The following MBNL1 variants were observed in gnomAD, a reference collection of about 807,000 sequenced individuals.
MBNL1 encodes muscleblind-like protein 1.
MBNL1 carries 8 observed loss-of-function variants against 42.2 expected under a neutral mutation model. The ratio of observed to expected loss-of-function variants is 0.19; its 90% confidence interval spans 0.11 to 0.34. MBNL1 has a LOEUF of 0.34. Ranked by LOEUF, MBNL1 falls within the 10% of genes least tolerant of loss-of-function variation. MBNL1 has a pLI of 1.00. For synonymous variants in MBNL1, 169 were observed against 173.9 expected (o/e 0.97, Z 0.22); for missense variants, 309 against 495.3 (o/e 0.62, Z 3.57).
At chr3:152,427,799 T>A (rs992602288) in intron 3 of MBNL1, among the ~76,000 whole-genome samples, 6 of 150,884 alleles carry the variant, frequency 4.0e-5, no homozygotes, top group East Asian at 1.9e-4. Context: ...AAAAATTTTT[T>A]AAAATATTTT....
chr3:152,362,215 A>G (rs867803936), intron 2 of MBNL1, among the ~76,000 whole-genome samples: 24 of 152,312 alleles, frequency 1.6e-4, no homozygotes, highest in Admixed American at 5.2e-4. Context: ...ATTGACTTGC[A>G]GATTGCAGCA....
At chr3:152,268,686 G>A (rs1021670846), upstream of MBNL1, 7 of 441,668 alleles carry the variant, frequency 1.6e-5, no homozygotes, top group Middle Eastern at 3.4e-4. Context: ...CGGCGCCGCT[G>A]GGCGACCGCC....
At chr3:152,458,389 A>G (rs1379754288) in intron 8 of MBNL1, 3 of 568,060 alleles carry the variant, frequency 5.3e-6, no homozygotes, top group Non-Finnish European at 9.5e-6. Flanking sequence ...GCCTTTGTGT[A>G]TCTGATTTCA....
intron 3 of MBNL1, among the ~76,000 whole-genome samples, chr3:152,424,815 A>G (rs558911290): frequency 1.3e-5 from 2 of 152,364 alleles, no homozygotes; most frequent in East Asian, 1.9e-4. Flanking sequence ...GACAAAAGCA[A>G]TGGGGAAAGG....
At position 152,455,564 on chromosome 3, in the gene MBNL1, C is replaced by G. The variant is rs202021492; in HGVS notation, c.984C>G (p.Pro328=). 6.2e-7 allele frequency: 1 copy of G among 1,613,420 alleles called. No individual in the cohort carries two copies. Among genetic ancestry groups the G allele is most frequent in the African/African-American group, 1.3e-5 (1 of 74,904 alleles). Residue 328 remains proline, a synonymous_variant, in exon 7 of 10, where the codon CCC becomes CCG. Transcript: ENST00000324210. ...CAGGCTCAATATTGTGCATGACACCCGCTACAAGTGTTGGTAGGTGCCAGC... is the reference window on the plus strand; with the variant it reads ...CAGGCTCAATATTGTGCATGACACCGGCTACAAGTGTTGGTAGGTGCCAGC... ...LPPGSILCMT[P]ATSVVPMVHG...
chr3:152,313,888 A>G lies in MBNL1; in HGVS notation c.174+13521A>G, dbSNP rs1469496931. 2.6e-5 allele frequency among the ~76,000 whole-genome samples: 4 copies of G among 152,336 alleles called. No individual in the cohort carries two copies. The East Asian group carries it at 7.7e-4, about 29-fold the overall frequency. ...ATTAATGGAATAATTCAGAATTTAT[A>G]TTGTCTGTACCTGAAAATTCATTTT... On this transcript the variant is annotated intron_variant, in intron 2 of 9. Transcript: ENST00000324210.
At chr3:152,293,113 T>G (rs927759928) in intron 1 of MBNL1, among the ~76,000 whole-genome samples, 2 of 152,178 alleles carry the variant, frequency 1.3e-5, no homozygotes. Flanking sequence ...AGTTATAATA[T>G]TGATGTAATC....
At chr3:152,344,023 A>G (rs545915655) in intron 2 of MBNL1, among the ~76,000 whole-genome samples, 2 of 151,652 alleles carry the variant, frequency 1.3e-5, no homozygotes, top group South Asian at 4.2e-4. Flanking sequence ...ACTTACATGG[A>G]TGATGGGGGA....
intron 2 of MBNL1, among the ~76,000 whole-genome samples, chr3:152,341,647 A>C (rs968684802): frequency 2.0e-5 from 3 of 152,206 alleles, no homozygotes; most frequent in African/African-American, 7.2e-5. Context: ...GGCAATGAGG[A>C]GAATGTTTAT....
chr3:152,383,912 C>G (rs1349718669), intron 2 of MBNL1, among the ~76,000 whole-genome samples: 1 of 151,986 alleles, frequency 6.6e-6, no homozygotes, highest in African/African-American at 2.4e-5. Flanking sequence ...CTATATTGTA[C>G]TCATGGCACC....
chr3:152,337,653 C>T (rs1430367902), intron 2 of MBNL1, among the ~76,000 whole-genome samples: 2 of 151,538 alleles, frequency 1.3e-5, no homozygotes, highest in East Asian at 3.9e-4. Context: ...AAAAGAAACA[C>T]CAACTAACTA....
intron 3 of MBNL1, among the ~76,000 whole-genome samples, chr3:152,415,754 G>C (rs1459804299): frequency 6.6e-6 from 1 of 152,166 alleles, no homozygotes; most frequent in Non-Finnish European, 1.5e-5. Context: ...TAGATATTTA[G>C]TATTTGCTGA....
intron 2 of MBNL1, chr3:152,338,448 C>A: frequency 9.1e-6 from 9 of 985,382 alleles, no homozygotes; most frequent in Non-Finnish European, 1.1e-5. Flanking sequence ...TACCATGTTG[C>A]CCTCTACACT....
At chr3:152,367,073 A>G (rs1402550980) in intron 2 of MBNL1, among the ~76,000 whole-genome samples, 1 of 152,188 alleles carries the variant, frequency 6.6e-6, no homozygotes, top group Non-Finnish European at 1.5e-5. Context: ...GTTCTGGGAT[A>G]CATGTGCAGA....
At chr3:152,246,641 T>G (rs2033099147) in intron 2 of MBNL1, among the ~76,000 whole-genome samples, 1 of 152,078 alleles carries the variant, frequency 6.6e-6, no homozygotes, top group South Asian at 2.1e-4. Context: ...TATATTTTAC[T>G]GTGTTTTAGT....
intron 2 of MBNL1, among the ~76,000 whole-genome samples, chr3:152,247,790 TG>T (rs1358543101): frequency 6.6e-6 from 1 of 152,006 alleles, no homozygotes; most frequent in Non-Finnish European, 1.5e-5. Flanking sequence ...TTAATTTTTT[TG>T]CTTTTAATAT....
At chr3:152,453,644 G>A (rs1422129979) in intron 6 of MBNL1, among the ~76,000 whole-genome samples, 1 of 152,162 alleles carries the variant, frequency 6.6e-6, no homozygotes, top group African/African-American at 2.4e-5. Context: ...ATATTTGTGA[G>A]TTATTGCACC....
At chr3:152,386,020 A>G (rs894520373) in intron 2 of MBNL1, among the ~76,000 whole-genome samples, 1 of 152,074 alleles carries the variant, frequency 6.6e-6, no homozygotes, top group Non-Finnish European at 1.5e-5. Flanking sequence ...TTAGAATGTC[A>G]AAGGATCCTT....
At chr3:152,458,429 G>C in intron 8 of MBNL1, 1 of 510,096 alleles carries the variant, frequency 2.0e-6, no homozygotes, top group Non-Finnish European at 3.6e-6. Flanking sequence ...GCTGAAATGG[G>C]ATTAGTATCA....
Sources: gnomAD v4.1 joint callset for allele counts (sites outside exome capture counted in the v4.1 genomes callset) on GRCh38, gnomAD v4.1.1 for gene constraint, MANE v1.5 for transcripts, NCBI Gene and HGNC (gene_info 2026-07-23, HGNC 2026-07-21) for gene names.